Variants in PLXDC2 observed in about 807,000 individuals in gnomAD.
PLXDC2 encodes the protein plexin domain-containing protein 2.
A neutral mutation model predicts 68.9 loss-of-function variants in PLXDC2; 40 were observed. That is an observed-to-expected ratio of 0.58 (90% confidence interval 0.45 to 0.76). The LOEUF (loss-of-function observed/expected upper bound fraction) is 0.76. Among genes scored for constraint, PLXDC2 ranks in the 30% least tolerant of loss-of-function variants. The probability of loss-of-function intolerance (pLI) is 0.00; values close to 1 mark genes in which losing one functional copy is unlikely to be tolerated. For synonymous variants in PLXDC2, 243 were observed against 234.2 expected, an observed-to-expected ratio of 1.04 and a Z score of -0.34; for missense variants, 644 against 661.9, an observed-to-expected ratio of 0.97 and a Z score of 0.30.
chr10:20,199,938 C>G (rs1344073419), intron 9 of PLXDC2, among the ~76,000 whole-genome samples: 1 of 151,758 alleles, frequency 6.6e-6, no homozygotes, highest in African/African-American at 2.4e-5. Flanking sequence ...ACTTTTCACC[C>G]TATTCCAAAA....
intron 2 of PLXDC2, among the ~76,000 whole-genome samples, chr10:20,015,695 AC>A (rs1306220837): frequency 2.6e-5 from 4 of 152,080 alleles, no homozygotes; most frequent in South Asian, 2.1e-4. Flanking sequence ...GATTAAAAAA[AC>A]ACAGAGATCA....
intron 1 of PLXDC2, among the ~76,000 whole-genome samples, chr10:19,935,774 T>C (rs1024336994): frequency 2.0e-5 from 3 of 152,178 alleles, no homozygotes; most frequent in African/African-American, 7.2e-5. Context: ...CTGAAAGGAA[T>C]TAGTATTCAA....
chr10:19,824,841 G>T (rs1475824113), intron 1 of PLXDC2, among the ~76,000 whole-genome samples: 3 of 152,152 alleles, frequency 2.0e-5, no homozygotes, highest in Non-Finnish European at 4.4e-5. Context: ...TAATTAAAAA[G>T]GTGGTAAGCT....
chr10:19,949,983 C>T (rs753912442), intron 1 of PLXDC2, among the ~76,000 whole-genome samples: 1 of 152,030 alleles, frequency 6.6e-6, no homozygotes, highest in African/African-American at 2.4e-5. Context: ...TGATACTTTC[C>T]CTTAATAAAG....
At chr10:20,098,357 ATGTGTGTG>A (rs35209594) in intron 4 of PLXDC2, among the ~76,000 whole-genome samples, 41 of 145,494 alleles carry the variant, frequency 2.8e-4, no homozygotes, top group Non-Finnish European at 1.6e-4. Context: ...GTGTGTGTGT[ATGTGTGTG>A]TGTGTGTGTG....
intron 1 of PLXDC2, among the ~76,000 whole-genome samples, chr10:19,919,343 G>A (rs568002223): frequency 6.0e-4 from 91 of 152,018 alleles, no homozygotes; most frequent in African/African-American, 2.0e-3. Context: ...TATTAAAAAA[G>A]GACATTATCT....
chr10:20,107,090 CTATA>C (rs1426157981), intron 4 of PLXDC2, among the ~76,000 whole-genome samples: 6 of 147,828 alleles, frequency 4.1e-5, no homozygotes, highest in Admixed American at 6.8e-5. Context: ...TATATATACA[CTATA>C]TATATACTAT....
At chr10:19,820,483 A>T (rs1175406556) in intron 1 of PLXDC2, among the ~76,000 whole-genome samples, 2 of 150,956 alleles carry the variant, frequency 1.3e-5, no homozygotes, top group African/African-American at 4.9e-5. Flanking sequence ...TACAAAAAAA[A>T]ATTAGCCGGG....
chr10:19,895,654 T>TGGCTAG (rs1035065449), intron 1 of PLXDC2, among the ~76,000 whole-genome samples: 1 of 152,180 alleles, frequency 6.6e-6, no homozygotes, highest in African/African-American at 2.4e-5. Context: ...TAGTCACACG[T>TGGCTAG]GGCTAGTGGC....
intron 10 of PLXDC2, among the ~76,000 whole-genome samples, chr10:20,214,611 A>T (rs923221984): frequency 6.6e-6 from 1 of 152,172 alleles, no homozygotes; most frequent in Non-Finnish European, 1.5e-5. Context: ...GGGGAGGGGA[A>T]TAAACAATGG....
At chr10:20,247,314 A>T (rs117247034) in intron 13 of PLXDC2, among the ~76,000 whole-genome samples, 16,178 of 150,852 alleles carry the variant, frequency 0.11, 986 homozygotes, top group African/African-American at 0.14. Flanking sequence ...AAAAAAAAGA[A>T]AAAAAGAAAA....
At chr10:19,927,594 C>A (rs1319707691) in intron 1 of PLXDC2, among the ~76,000 whole-genome samples, 1 of 150,846 alleles carries the variant, frequency 6.6e-6, no homozygotes, top group Non-Finnish European at 1.5e-5. Context: ...CCCAGCTACT[C>A]GGGAGGCTGA....
At chr10:20,041,612 G>A (rs183188302) in intron 2 of PLXDC2, among the ~76,000 whole-genome samples, 1 of 152,102 alleles carries the variant, frequency 6.6e-6, no homozygotes, top group African/African-American at 2.4e-5. Flanking sequence ...AACTACGTAT[G>A]CACCTGATCT....
chr10:20,246,048 T>C (rs954940283), intron 13 of PLXDC2, among the ~76,000 whole-genome samples: 2 of 152,214 alleles, frequency 1.3e-5, no homozygotes, highest in Non-Finnish European at 2.9e-5. Context: ...GTATGTACAC[T>C]TGTACATTTA....
intron 1 of PLXDC2, among the ~76,000 whole-genome samples, chr10:19,996,697 C>T (rs914009990): frequency 1.8e-4 from 28 of 152,188 alleles, no homozygotes; most frequent in African/African-American, 3.6e-4. Context: ...TAAAGACATA[C>T]GTGAAACTGG....
chr10:20,161,667 AG>A (rs1187145298), intron 6 of PLXDC2, among the ~76,000 whole-genome samples: 1 of 152,010 alleles, frequency 6.6e-6, no homozygotes, highest in Non-Finnish European at 1.5e-5. Flanking sequence ...GGAAGGAAAG[AG>A]ATTGAGGAAA....
At chr10:20,244,590 A>C (rs1835563566) in intron 12 of PLXDC2, among the ~76,000 whole-genome samples, 1 of 152,218 alleles carries the variant, frequency 6.6e-6, no homozygotes, top group African/African-American at 2.4e-5. Context: ...TCATGCACAG[A>C]CTTTCTGAAA....
chr10:19,992,272 A>G (rs1445496384), intron 1 of PLXDC2, among the ~76,000 whole-genome samples: 1 of 152,244 alleles, frequency 6.6e-6, no homozygotes, highest in Non-Finnish European at 1.5e-5. Flanking sequence ...GCTGCACCCT[A>G]TCATTTCACC....
chr10:20,082,603 G>A (rs182570509), intron 4 of PLXDC2, among the ~76,000 whole-genome samples: 1 of 152,160 alleles, frequency 6.6e-6, no homozygotes, highest in Non-Finnish European at 1.5e-5. Context: ...TATAAGGTAT[G>A]GAGTAAAGAA....
Sources: allele counts gnomAD v4.1 joint callset (sites outside exome capture counted in the v4.1 genomes callset), GRCh38; gene constraint gnomAD v4.1.1; transcripts MANE v1.5; gene names NCBI Gene and HGNC (gene_info 2026-07-23, HGNC 2026-07-21).